Variants in SUMF1 observed in about 807,000 individuals in gnomAD.
SUMF1 encodes the protein sulfatase modifying factor 1.
A neutral mutation model predicts 47.6 loss-of-function variants in SUMF1; 48 were observed. The observed-to-expected ratio is 1.01, with a 90% CI of 0.80 to 1.28. The LOEUF (loss-of-function observed/expected upper bound fraction) is 1.28, where lower values mean the gene tolerates loss of function less well. Among genes scored for constraint, SUMF1 ranks in the 50% most tolerant of loss-of-function variants. The pLI is 0.00. For missense variants in SUMF1, 571 were observed against 485.4 expected, an observed-to-expected ratio of 1.18 and a Z score of -1.66; for synonymous variants, 230 against 192.1, an observed-to-expected ratio of 1.20 and a Z score of -1.63.
intron 7 of SUMF1, among the ~76,000 whole-genome samples, chr3:4,399,424 G>A (rs1388617724): frequency 4.6e-5 from 7 of 152,116 alleles, no homozygotes; most frequent in Non-Finnish European, 1.0e-4. Context: ...GAGTACTGTG[G>A]GAAAACTCTT....
intron 8 of SUMF1, among the ~76,000 whole-genome samples, chr3:4,347,315 C>T (rs1012639214): frequency 6.6e-6 from 1 of 152,190 alleles, no homozygotes; most frequent in Admixed American, 6.5e-5. Context: ...TCCAGCAGCA[C>T]ATCAAACAAC....
At chr3:4,357,311 TG>T (rs34722963), downstream of SUMF1, among the ~76,000 whole-genome samples, 41,333 of 149,516 alleles carry the variant, frequency 0.28, 7,559 homozygotes, top group African/African-American at 0.52. Flanking sequence ...ATGTTTACGG[TG>T]GTTTTTTTTT....
At chr3:4,352,283 C>T (rs1385971799) in intron 8 of SUMF1, among the ~76,000 whole-genome samples, 1 of 152,082 alleles carries the variant, frequency 6.6e-6, no homozygotes, top group African/African-American at 2.4e-5. Flanking sequence ...GGAATATTAA[C>T]CAAAAATAAC....
At chr3:4,182,482 A>G (rs1055048875) in intron 8 of SUMF1, among the ~76,000 whole-genome samples, 1 of 151,662 alleles carries the variant, frequency 6.6e-6, no homozygotes, top group African/African-American at 2.4e-5. Context: ...GAAAAAAGAA[A>G]CTTGTATTCA....
chr3:4,149,010 C>T (rs1038434228), intron 8 of SUMF1, among the ~76,000 whole-genome samples: 1 of 151,788 alleles, frequency 6.6e-6, no homozygotes, highest in Non-Finnish European at 1.5e-5. Flanking sequence ...TGCCCTGGTA[C>T]GAGAGAGACC....
chr3:4,160,954 C>A (rs1694562353), intron 8 of SUMF1, among the ~76,000 whole-genome samples: 1 of 152,014 alleles, frequency 6.6e-6, no homozygotes, highest in Non-Finnish European at 1.5e-5. Flanking sequence ...CACAGATGTA[C>A]CCATCCTTCT....
intron 8 of SUMF1, among the ~76,000 whole-genome samples, chr3:4,350,329 A>G (rs1336392995): frequency 1.5e-5 from 2 of 129,516 alleles, no homozygotes; most frequent in Admixed American, 1.4e-4. Flanking sequence ...GTGTGTGTAT[A>G]TGCGTGTGTG....
intron 8 of SUMF1, among the ~76,000 whole-genome samples, chr3:4,280,807 C>G (rs1031216832): frequency 2.8e-5 from 4 of 140,392 alleles, no homozygotes; most frequent in African/African-American, 1.1e-4. Context: ...CTTCAAATGG[C>G]ATTCACCGTG....
chr3:4,260,720 G>A (rs575154836), intron 8 of SUMF1, among the ~76,000 whole-genome samples: 1 of 152,050 alleles, frequency 6.6e-6, no homozygotes, highest in African/African-American at 2.4e-5. Flanking sequence ...GGGTGACAGA[G>A]CGAGAATATG....
At chr3:4,374,919 TG>T (rs1700277542) in intron 8 of SUMF1, among the ~76,000 whole-genome samples, 1 of 152,166 alleles carries the variant, frequency 6.6e-6, no homozygotes, top group South Asian at 2.1e-4. Flanking sequence ...CCCAACACTT[TG>T]GGAAGCAAAG....
intron 3 of SUMF1, among the ~76,000 whole-genome samples, chr3:4,437,261 T>C (rs894541791): frequency 6.6e-6 from 1 of 152,104 alleles, no homozygotes; most frequent in Non-Finnish European, 1.5e-5. Context: ...AATACGTAAG[T>C]TGGATAACGA....
At chr3:4,351,442 C>T (rs75335320) in intron 8 of SUMF1, among the ~76,000 whole-genome samples, 396 of 151,862 alleles carry the variant, frequency 2.6e-3, no homozygotes, top group Non-Finnish European at 4.6e-3. Context: ...TTTTTCAGAC[C>T]GCTATTTCAT....
intron 8 of SUMF1, among the ~76,000 whole-genome samples, chr3:4,170,772 AT>A (rs1694816057): frequency 6.6e-6 from 1 of 152,188 alleles, no homozygotes. Flanking sequence ...ACAGTTGGAT[AT>A]CCATTAACAA....
At chr3:4,132,556 C>T (rs1693817667) in intron 8 of SUMF1, among the ~76,000 whole-genome samples, 3 of 152,074 alleles carry the variant, frequency 2.0e-5, no homozygotes. Context: ...GCACCACTCA[C>T]CATCACCCCA....
intron 8 of SUMF1, among the ~76,000 whole-genome samples, chr3:4,215,190 T>C (rs1262064465): frequency 1.3e-5 from 2 of 152,178 alleles, no homozygotes; most frequent in Non-Finnish European, 2.9e-5. Context: ...ATGAAATGCT[T>C]ATCCACCACG....
intron 8 of SUMF1, among the ~76,000 whole-genome samples, chr3:4,099,071 G>T (rs1043454128): frequency 6.6e-6 from 1 of 152,110 alleles, no homozygotes. Context: ...TGAGTTATGA[G>T]ATGGCATAAA....
rs58350223 is a variant in SUMF1 at position 4,392,615 on chromosome 3, G to GTATA, written c.955-16230_955-16227dup. On this transcript the variant is annotated intron_variant, in intron 7 of 8. Transcript: ENST00000272902. ...TATATGTGTGTGTGTGTGTGTGTGT[G>GTATA]TATATATATATATATATATATATAT... Among the ~76,000 whole-genome samples, 513 of 96,080 alleles carry GTATA rather than the reference G, an allele frequency of 5.3e-3. 3 individuals carry two copies. The highest frequency in any genetic ancestry group is 0.015 in the African/African-American group (427 of 27,632). 63.0% of individuals were successfully genotyped at this position (96,080 alleles called of 152,430 possible).
intron 8 of SUMF1, among the ~76,000 whole-genome samples, chr3:4,293,454 G>A (rs557146494): frequency 1.3e-5 from 2 of 152,210 alleles, no homozygotes; most frequent in South Asian, 2.1e-4. Context: ...TTAAAAGCCC[G>A]AAAAGATAAA....
intron 8 of SUMF1, among the ~76,000 whole-genome samples, chr3:4,364,596 C>T (rs936138920): frequency 1.4e-4 from 21 of 148,154 alleles, no homozygotes; most frequent in African/African-American, 5.2e-4. Context: ...TTTATTGGGT[C>T]TATTTGATTC....
Sources: allele counts gnomAD v4.1 joint callset (sites outside exome capture counted in the v4.1 genomes callset), GRCh38; gene constraint gnomAD v4.1.1; transcripts MANE v1.5; gene names NCBI Gene and HGNC (gene_info 2026-07-23, HGNC 2026-07-21).